ATRN: variants seen among roughly 807,000 people sequenced by gnomAD.
The protein encoded by ATRN is attractin.
In ATRN, 54 loss-of-function variants were observed where a neutral mutation model predicts 178.7. The observed-to-expected ratio is 0.30, with a 90% confidence interval of 0.24 to 0.38. The LOEUF (loss-of-function observed/expected upper bound fraction) is 0.38. ATRN is among the 10% of genes least tolerant of loss of function. The pLI is 1.00. For missense variants in ATRN, 1,443 were observed against 1,815.1 expected (o/e 0.79, Z 3.73); for synonymous variants, 636 against 663.0 (o/e 0.96, Z 0.63).
At chr20:3,641,553 T>G (rs904304546) in intron 27 of ATRN, among the ~76,000 whole-genome samples, 19 of 122,294 alleles carry the variant, frequency 1.6e-4, no homozygotes, top group African/African-American at 6.3e-4. Context: ...ATTGCACCAC[T>G]GTACTCCAGC....
At chr20:3,496,184 CT>C (rs1272183572) in intron 1 of ATRN, among the ~76,000 whole-genome samples, 1 of 150,886 alleles carries the variant, frequency 6.6e-6, no homozygotes, top group Non-Finnish European at 1.5e-5. Flanking sequence ...TATTTCTTGC[CT>C]TCTGCTAGCT....
chr20:3,544,349 C>T lies in ATRN; in HGVS notation c.609-1413C>T, dbSNP rs190885407. On this transcript the variant is annotated intron_variant, in intron 3 of 28. Coordinates refer to ENST00000262919, the MANE Select transcript of ATRN (RefSeq NM_139321.3). Reference sequence around the variant, plus strand: ...TTGCCATCTGAACAGTGCTGTGGTTCGCATTCTTGTATATTGGTCATCGTG... The same window carrying T: ...TTGCCATCTGAACAGTGCTGTGGTTTGCATTCTTGTATATTGGTCATCGTG... 5.9e-4 allele frequency among the ~76,000 whole-genome samples: 90 copies of T among 152,194 alleles called. 2 individuals carry two copies. Among genetic ancestry groups the T allele is most frequent in the East Asian group, 5.2e-3 (27 of 5,184 alleles).
chr20:3,595,523 A>G (rs2086517049), intron 20 of ATRN, among the ~76,000 whole-genome samples: 2 of 152,226 alleles, frequency 1.3e-5, no homozygotes, highest in African/African-American at 4.8e-5. Flanking sequence ...CCTAAAGCCA[A>G]TATGTGAAGA....
At chr20:3,488,651 A>G (rs1600016065) in intron 1 of ATRN, among the ~76,000 whole-genome samples, 1 of 152,234 alleles carries the variant, frequency 6.6e-6, no homozygotes, top group South Asian at 2.1e-4. Context: ...AAGTCACCTT[A>G]CCTTATTCTT....
intron 24 of ATRN, among the ~76,000 whole-genome samples, chr20:3,620,953 A>G (rs1194003776): frequency 6.6e-6 from 1 of 152,192 alleles, no homozygotes; most frequent in Non-Finnish European, 1.5e-5. Flanking sequence ...CACAATTCAT[A>G]AACTTTCTTA....
At chr20:3,643,413 C>T (rs1350124999) in intron 27 of ATRN, among the ~76,000 whole-genome samples, 1 of 152,024 alleles carries the variant, frequency 6.6e-6, no homozygotes, top group Non-Finnish European at 1.5e-5. Context: ...CACCTTTAAT[C>T]CCAGCACTTT....
intron 1 of ATRN, among the ~76,000 whole-genome samples, chr20:3,495,060 TTTA>T (rs1248781069): frequency 5.3e-5 from 8 of 152,206 alleles, no homozygotes; most frequent in Non-Finnish European, 7.3e-5. Context: ...TGGTTGTAGC[TTTA>T]TTATTATTTT....
At chr20:3,620,523 C>T (rs1316439794) in intron 24 of ATRN, among the ~76,000 whole-genome samples, 4 of 147,720 alleles carry the variant, frequency 2.7e-5, no homozygotes, top group Non-Finnish European at 6.0e-5. Context: ...TGGGATTAGG[C>T]GTGAGCCACT....
intron 11 of ATRN, among the ~76,000 whole-genome samples, chr20:3,568,017 G>A (rs1321256568): frequency 6.6e-6 from 1 of 152,296 alleles, no homozygotes; most frequent in Non-Finnish European, 1.5e-5. Context: ...CTGGCCGGGC[G>A]TAGTGGCTCA....
chr20:3,641,677 G>A (rs919270559), intron 27 of ATRN, among the ~76,000 whole-genome samples: 8 of 146,684 alleles, frequency 5.5e-5, no homozygotes, highest in Non-Finnish European at 8.9e-5. Flanking sequence ...AGTCAGAAGA[G>A]AGTGAGAGAA....
At chr20:3,625,243 A>C (rs1168927510) in intron 25 of ATRN, among the ~76,000 whole-genome samples, 1 of 152,156 alleles carries the variant, frequency 6.6e-6, no homozygotes, top group Non-Finnish European at 1.5e-5. Context: ...ACTGTAGAAG[A>C]TGAGGATATA....
intron 16 of ATRN, among the ~76,000 whole-genome samples, chr20:3,582,672 G>A (rs563855766): frequency 3.3e-5 from 5 of 152,308 alleles, no homozygotes; most frequent in African/African-American, 7.2e-5. Context: ...ATTTATTGGT[G>A]TTGGCAGAGA....
chr20:3,486,955 A>C (rs1469847456), intron 1 of ATRN, among the ~76,000 whole-genome samples: 1 of 152,116 alleles, frequency 6.6e-6, no homozygotes, highest in African/African-American at 2.4e-5. Flanking sequence ...AGACAGACAC[A>C]TGTTGCCTAT....
chr20:3,566,670 G>A lies in ATRN; in HGVS notation c.1871+1238G>A, dbSNP rs6037622. Among the ~76,000 whole-genome samples, 1,409 of 152,208 alleles carry A rather than the reference G, an allele frequency of 9.3e-3. 24 individuals are homozygous for A. The highest frequency in any genetic ancestry group is 0.033 in the African/African-American group (1,356 of 41,550). On this transcript the variant is annotated intron_variant, in intron 11 of 28. Coordinates refer to ENST00000262919, the MANE Select transcript of ATRN (RefSeq NM_139321.3). ...TGTAATCCCAGCACTTTGGGAGGCC[G>A]AGGAGGGCCGATCACTTGAGCCCAG...
chr20:3,514,168 ATAT>A (rs1473911491), intron 1 of ATRN, among the ~76,000 whole-genome samples: 3 of 152,184 alleles, frequency 2.0e-5, no homozygotes, highest in Admixed American at 6.6e-5. Flanking sequence ...CCTCAGGAGG[ATAT>A]TATTAATGAC....
intron 2 of ATRN, among the ~76,000 whole-genome samples, chr20:3,539,180 T>C (rs2085583627): frequency 1.3e-5 from 2 of 152,328 alleles, no homozygotes; most frequent in African/African-American, 4.8e-5. Context: ...GAATTAGGCA[T>C]CAGCAGGATA....
chr20:3,618,340 A>T (rs1372620372), intron 24 of ATRN, among the ~76,000 whole-genome samples: 1 of 152,218 alleles, frequency 6.6e-6, no homozygotes, highest in East Asian at 1.9e-4. Context: ...AACATTAATG[A>T]TAAAAAGGCA....
At chr20:3,569,817 T>A (rs566579562) in intron 11 of ATRN, among the ~76,000 whole-genome samples, 3 of 152,334 alleles carry the variant, frequency 2.0e-5, no homozygotes, top group African/African-American at 4.8e-5. Context: ...ACGCCTGTAA[T>A]CCCAGCGCTT....
intron 24 of ATRN, among the ~76,000 whole-genome samples, chr20:3,620,712 T>C (rs1486318770): frequency 6.6e-6 from 1 of 152,254 alleles, no homozygotes; most frequent in East Asian, 1.9e-4. Flanking sequence ...GTTCTTGGAA[T>C]ACAAAAGTGT....
Sources: gnomAD v4.1 joint callset for allele counts (sites outside exome capture counted in the v4.1 genomes callset) on GRCh38, gnomAD v4.1.1 for gene constraint, MANE v1.5 for transcripts, NCBI Gene and HGNC (gene_info 2026-07-23, HGNC 2026-07-21) for gene names.